The following NFASC variants were observed in gnomAD, a reference collection of about 807,000 sequenced individuals.
The protein encoded by NFASC is neurofascin.
NFASC carries 43 observed loss-of-function variants against 147.5 expected under a neutral mutation model. That is an observed-to-expected ratio of 0.29 (90% CI 0.23 to 0.38). The LOEUF (loss-of-function observed/expected upper bound fraction) is 0.38. Among genes scored for constraint, NFASC ranks in the 10% least tolerant of loss-of-function variants. The pLI, the probability that NFASC is intolerant of heterozygous loss-of-function variation, is 1.00. For synonymous variants in NFASC, 622 were observed against 665.5 expected (o/e 0.93, Z 1.01); for missense variants, 1,320 against 1,689.0 (o/e 0.78, Z 3.83).
rs77647546 is a variant in NFASC at position 204,997,069 on chromosome 1, C to T, written c.2783-101C>T. ...GGGGAGGCTCCTGATGACTAAGCCC[C>T]GTCTCCTCACCGGGCTGCCTGCCTT... On this transcript the variant is annotated intron_variant, in intron 24 of 29. Coordinates refer to ENST00000339876, the MANE Select transcript of NFASC (RefSeq NM_001005388.3). 4.6e-4 allele frequency: 702 copies of T among 1,530,956 alleles called. 3 individuals are homozygous for T. The African/African-American group carries it at 7.9e-3, about 17-fold the overall frequency. 94.8% of individuals were successfully genotyped at this position (1,530,956 alleles called of 1,614,324 possible).
intron 2 of NFASC, among the ~76,000 whole-genome samples, chr1:204,936,033 G>A (rs1475871551): frequency 6.6e-6 from 1 of 152,038 alleles, no homozygotes; most frequent in Non-Finnish European, 1.5e-5. Context: ...AACAGTCACT[G>A]TTGGCAGCTC....
chr1:204,989,741 G>A (rs962092624), intron 23 of NFASC: 5 of 152,384 alleles, frequency 3.3e-5, no homozygotes, highest in Admixed American at 1.3e-4. Context: ...CCATCTAGAG[G>A]GGGAGTCATC....
chr1:204,957,684 T>C lies in NFASC; in HGVS notation c.564T>C (p.Arg188=). 1 of 1,614,166 alleles carries C rather than the reference T, an allele frequency of 6.2e-7. No individual in the cohort carries two copies. Among genetic ancestry groups the C allele is most frequent in the South Asian group, 1.1e-5 (1 of 91,086 alleles). Residue 188 remains arginine, a synonymous_variant, in exon 8 of 30, where the codon CGT becomes CGC. Coordinates refer to ENST00000339876, the MANE Select transcript of NFASC (RefSeq NM_001005388.3). ...TGGAGCCCATCACCCAAGACAAACG[T>C]GTCTCTCAGGGCCATAACGGAGACC... The part of the protein sequence containing the change: ...SSMEPITQDK[R]VSQGHNGDLY...
At chr1:204,844,993 G>T (rs1248435886) in intron 1 of NFASC, among the ~76,000 whole-genome samples, 1 of 152,120 alleles carries the variant, frequency 6.6e-6, no homozygotes, top group Non-Finnish European at 1.5e-5. Context: ...AAAGGAATGT[G>T]CTTATTAAGG....
At position 204,950,334 on chromosome 1, in the gene NFASC, C is replaced by A. The variant is rs571090587; in HGVS notation, c.92-223C>A. ...TGTGGTTTTGGTCACCCAGGGGAGG[C>A]GTCACCTTCTCCATAAGGCACTCAC... On this transcript the variant is annotated intron_variant, in intron 3 of 29. Coordinates refer to ENST00000339876, the MANE Select transcript of NFASC (RefSeq NM_001005388.3). 2.6e-5 allele frequency among the ~76,000 whole-genome samples: 4 copies of A among 152,276 alleles called. No individual in the cohort carries two copies. The East Asian group carries it at 7.7e-4, about 29-fold the overall frequency.
At chr1:204,955,100 C>A in intron 7 of NFASC, 149 bp downstream of exon 7, 1 of 948,528 alleles carries the variant, frequency 1.1e-6, no homozygotes, top group Non-Finnish European at 1.6e-6. Context: ...AACACAGGCT[C>A]TGCAGAGAGA....
At chr1:204,844,142 TG>T (rs1179668122) in intron 1 of NFASC, among the ~76,000 whole-genome samples, 1 of 152,228 alleles carries the variant, frequency 6.6e-6, no homozygotes, top group Non-Finnish European at 1.5e-5. Context: ...CCACACTGCC[TG>T]GGTTTCCATT....
chr1:204,987,092 C>G lies in NFASC; in HGVS notation c.2471-326C>G. 2.8e-6 allele frequency: 1 copy of G among 359,572 alleles called. No individual in the cohort carries two copies. Among genetic ancestry groups the G allele is most frequent in the South Asian group, 3.7e-5 (1 of 27,260 alleles). 22.3% of individuals were successfully genotyped at this position (359,572 alleles called of 1,614,324 possible). A position where few individuals can be genotyped will look rare whatever the true frequency, so the allele number is the denominator to read the frequency against. On this transcript the variant is annotated intron_variant, in intron 21 of 29. Coordinates refer to ENST00000339876, the MANE Select transcript of NFASC (RefSeq NM_001005388.3). The surrounding 1 kb of genome is among the most constrained non-coding windows in gnomAD (Gnocchi z 4.4). ...GGTTCTCTACCTAGGAATGGCTCTGCCCAATTTCGAGGTATCTTTGCAGAA... is the reference window on the plus strand; with the variant it reads ...GGTTCTCTACCTAGGAATGGCTCTGGCCAATTTCGAGGTATCTTTGCAGAA...
intron 2 of NFASC, among the ~76,000 whole-genome samples, chr1:204,935,080 T>A (rs1045457747): frequency 2.0e-5 from 3 of 152,152 alleles, no homozygotes; most frequent in Admixed American, 6.5e-5. Flanking sequence ...CAAAATGCTC[T>A]AAGAGCACTT....
chr1:204,899,171 C>T (rs1374455525), intron 1 of NFASC, among the ~76,000 whole-genome samples: 1 of 152,218 alleles, frequency 6.6e-6, no homozygotes, highest in Non-Finnish European at 1.5e-5. Context: ...AAAGTCACAG[C>T]ACCGCTGGCT....
At chr1:204,891,341 G>A (rs2082347618) in intron 1 of NFASC, among the ~76,000 whole-genome samples, 1 of 152,126 alleles carries the variant, frequency 6.6e-6, no homozygotes, top group Non-Finnish European at 1.5e-5. Flanking sequence ...TGTTGCTAGG[G>A]ACAGTGCATC....
intron 24 of NFASC, among the ~76,000 whole-genome samples, chr1:204,992,897 A>G (rs1319658808): frequency 8.6e-6 from 1 of 116,934 alleles, no homozygotes; most frequent in Non-Finnish European, 1.9e-5. Context: ...CCTACTTCCC[A>G]TTTAGAAAAG....
intron 1 of NFASC, among the ~76,000 whole-genome samples, chr1:204,875,409 G>T (rs1008090468): frequency 2.6e-5 from 4 of 152,156 alleles, no homozygotes; most frequent in African/African-American, 7.2e-5. Flanking sequence ...CTGCCTCCCA[G>T]AAGTCACATG....
chr1:205,016,575 T>G lies in NFASC; in HGVS notation c.*36T>G. 6.7e-7 allele frequency: 1 copy of G among 1,501,828 alleles called. No individual in the cohort carries two copies. Among genetic ancestry groups the G allele is most frequent in the South Asian group, 1.1e-5 (1 of 88,768 alleles). 93.0% of individuals were successfully genotyped at this position (1,501,828 alleles called of 1,614,324 possible). On this transcript the variant is annotated 3_prime_UTR_variant, in exon 30 of 30. Coordinates refer to ENST00000339876, the MANE Select transcript of NFASC (RefSeq NM_001005388.3). This position sits in a 1 kb window ranked among gnomAD's most constrained non-coding sequence, Gnocchi z 5.1. ...CCAGGCACAGCCACCACTTTGCAAG[T>G]GGGAGGAGGGGAGAAGGGGAGACAA...
intron 16 of NFASC, chr1:204,977,213 G>A (rs980941400): frequency 2.4e-5 from 18 of 754,660 alleles, no homozygotes; most frequent in Non-Finnish European, 2.8e-5. Context: ...CTCCATCCCT[G>A]GGTTTTGGTA....
At chr1:204,832,450 C>T (rs1672491760) in intron 1 of NFASC, among the ~76,000 whole-genome samples, 1 of 148,140 alleles carries the variant, frequency 6.8e-6, no homozygotes, top group Non-Finnish European at 1.5e-5. Context: ...AAGGATTTGG[C>T]ATTATGGGGA....
intron 24 of NFASC, 26 bp from the exon 25 acceptor site, chr1:204,997,143 CT>C (rs2095861971): frequency 6.3e-7 from 1 of 1,592,872 alleles, no homozygotes; most frequent in Non-Finnish European, 8.6e-7. Flanking sequence ...ACCAACCAGA[CT>C]CGGCTGTTTT....
At chr1:204,946,773 C>T in intron 3 of NFASC, 1 of 517,326 alleles carries the variant, frequency 1.9e-6, no homozygotes, top group South Asian at 1.4e-5. Flanking sequence ...CCAACCCTTC[C>T]CGAGGCCCCC....
intron 1 of NFASC, among the ~76,000 whole-genome samples, chr1:204,895,230 C>T (rs1357018986): frequency 6.6e-6 from 1 of 152,142 alleles, no homozygotes; most frequent in Non-Finnish European, 1.5e-5. Flanking sequence ...AACCCAATAT[C>T]ATATGACCCC....
Sources: allele counts gnomAD v4.1 joint callset (sites outside exome capture counted in the v4.1 genomes callset), GRCh38; gene constraint gnomAD v4.1.1; non-coding constraint Gnocchi (gnomAD v3.1); transcripts MANE v1.5; gene names NCBI Gene and HGNC (gene_info 2026-07-23, HGNC 2026-07-21).